TLCD4: variants seen among roughly 807,000 people sequenced by gnomAD.
TLCD4 encodes TLC domain containing 4.
In TLCD4, 7 loss-of-function variants were observed where a neutral mutation model predicts 24.2. The observed-to-expected ratio is 0.29, with a 90% confidence interval of 0.16 to 0.54. The LOEUF (loss-of-function observed/expected upper bound fraction) is 0.54, where lower values mean the gene tolerates loss of function less well. Ranked by LOEUF, TLCD4 falls within the 20% of genes least tolerant of loss-of-function variation. The pLI is 0.95. For missense variants in TLCD4, 259 were observed against 313.9 expected (o/e 0.82, Z 1.32); for synonymous variants, 103 against 106.4 (o/e 0.97, Z 0.20).
the TLCD4 span, among the ~76,000 whole-genome samples, chr1:95,108,394 G>A: frequency 6.6e-6 from 1 of 151,848 alleles, no homozygotes; most frequent in Non-Finnish European, 1.5e-5. Flanking sequence ...TTTTGTTTTT[G>A]TTTCTGTTTT....
At chr1:95,191,417 T>C in intron 6 of TLCD4, 133 bp from the exon 7 acceptor site, 1 of 1,154,792 alleles carries the variant, frequency 8.7e-7, no homozygotes, top group South Asian at 1.8e-5. Flanking sequence ...TTTGTTCTTT[T>C]TCAGCATTGC....
the TLCD4 span, among the ~76,000 whole-genome samples, chr1:95,099,339 A>G: frequency 2.6e-5 from 4 of 152,202 alleles, no homozygotes; most frequent in Non-Finnish European, 5.9e-5. Context: ...AATAGTTATT[A>G]CCACATTGTG....
intron 1 of TLCD4, among the ~76,000 whole-genome samples, chr1:95,125,294 C>T (rs970782004): frequency 1.3e-5 from 2 of 152,170 alleles, no homozygotes; most frequent in African/African-American, 4.8e-5. Context: ...ATTCGTTTTG[C>T]ACATCACCTT....
chr1:95,129,139 T>A (rs1384569473), intron 1 of TLCD4, among the ~76,000 whole-genome samples: 1 of 152,206 alleles, frequency 6.6e-6, no homozygotes, highest in African/African-American at 2.4e-5. Flanking sequence ...TGTGAAAAGT[T>A]AAGCTTAAAT....
chr1:95,121,309 G>A (rs537518758), intron 1 of TLCD4: 12 of 152,204 alleles, frequency 7.9e-5, no homozygotes, highest in Admixed American at 1.3e-4. Context: ...ATAGGGAGCA[G>A]AGGGGCTAGT....
At chr1:95,112,571 G>T (rs143988330), upstream of TLCD4, among the ~76,000 whole-genome samples, 255 of 152,226 alleles carry the variant, frequency 1.7e-3, no homozygotes, top group African/African-American at 5.9e-3. Flanking sequence ...AACTAGAAAG[G>T]CATTAGACAT....
At chr1:95,184,573 G>T (rs954594127) in intron 6 of TLCD4, among the ~76,000 whole-genome samples, 1 of 152,108 alleles carries the variant, frequency 6.6e-6, no homozygotes, top group Non-Finnish European at 1.5e-5. Flanking sequence ...ACCAAAGTTA[G>T]GATTTTCTCT....
intron 6 of TLCD4, among the ~76,000 whole-genome samples, chr1:95,185,610 C>T (rs1041011678): frequency 3.3e-5 from 5 of 152,152 alleles, no homozygotes; most frequent in East Asian, 3.8e-4. Flanking sequence ...AACGTGAAGA[C>T]GACGAGAATG....
At chr1:95,173,974 TACTATATAAAAG>T in intron 6 of TLCD4, 85 bp downstream of exon 6, 1 of 1,562,090 alleles carries the variant, frequency 6.4e-7, no homozygotes, top group Non-Finnish European at 8.8e-7. Flanking sequence ...ATCCTCAAGT[TACTATATAAAAG>T]ATACGGATCT....
intron 5 of TLCD4, among the ~76,000 whole-genome samples, chr1:95,161,646 T>A (rs192320526): frequency 2.0e-3 from 308 of 152,346 alleles, no homozygotes; most frequent in Middle Eastern, 3.4e-3. Flanking sequence ...TTTAGTGCAA[T>A]AAATTTCCCT....
intron 3 of TLCD4, among the ~76,000 whole-genome samples, chr1:95,149,792 T>C (rs1677441946): frequency 6.6e-6 from 1 of 152,210 alleles, no homozygotes; most frequent in Non-Finnish European, 1.5e-5. Flanking sequence ...TATCGAACTT[T>C]AACATAATTT....
chr1:95,191,575 C>A lies in TLCD4; in HGVS notation c.499C>A (p.Pro167Thr). The A allele has an allele frequency of 6.2e-7, 1 of 1,612,834 alleles. No individual in the cohort carries two copies. Among genetic ancestry groups the A allele is most frequent in the Non-Finnish European group, 8.5e-7 (1 of 1,179,458 alleles). Residue 167 changes from proline to threonine, a missense_variant, in exon 7 of 7, where the codon CCC becomes ACC. Physicochemically the swap from Pro to Thr is conservative, Grantham distance 38. Transcript: ENST00000370203. ...GTGGTTCTTTGAAGCTCTGAAGTAT[C>A]CCAAGTTTTCTAAAGCTATCGTTAT... ...QRWFFEALKYPKFSKAIVING... is the reference protein window; with the variant it reads ...QRWFFEALKYTKFSKAIVING...
In TLCD4 at chr1:95,143,114, G is replaced by A. The variant is rs562573283; in HGVS notation, c.-11-777G>A. ...CCTATGTAAACGTCTGATTGGTTGC[G>A]GAAAGCAACCAATCAGAGGTACTTT... On this transcript the variant is annotated intron_variant, in intron 1 of 6. Transcript: ENST00000370203. Among the ~76,000 whole-genome samples, 16 of 152,140 alleles carry A rather than the reference G, an allele frequency of 1.1e-4. No individual in the cohort carries two copies. In the South Asian group the frequency reaches 1.7e-3, roughly 16 times the overall value.
upstream of TLCD4, among the ~76,000 whole-genome samples, chr1:95,114,829 GAA>G (rs947326677): frequency 2.2e-5 from 3 of 137,758 alleles, no homozygotes; most frequent in Non-Finnish European, 3.2e-5. Context: ...CTGTCTCAAA[GAA>G]AAAAAAAAAA....
chr1:95,161,728 C>A (rs1290276689), intron 5 of TLCD4, among the ~76,000 whole-genome samples: 1 of 152,160 alleles, frequency 6.6e-6, no homozygotes, highest in Non-Finnish European at 1.5e-5. Flanking sequence ...TTTCAAAGAA[C>A]ATCTTTATTT....
At chr1:95,153,733 A>G (rs1257539193) in intron 5 of TLCD4, among the ~76,000 whole-genome samples, 2 of 152,112 alleles carry the variant, frequency 1.3e-5, no homozygotes, top group Admixed American at 1.3e-4. Context: ...TAGAGAGGAG[A>G]TATTAGATTA....
At chr1:95,099,053 C>CAAAAAAAAAAAAA in the TLCD4 span, among the ~76,000 whole-genome samples, 75 of 70,622 alleles carry the variant, frequency 1.1e-3, 3 homozygotes, top group Non-Finnish European at 1.4e-3. Flanking sequence ...AACTCTGTCT[C>CAAAAAAAAAAAAA]AAAAAAAAAA....
chr1:95,147,505 A>G (rs193221057), intron 2 of TLCD4, among the ~76,000 whole-genome samples: 129 of 152,366 alleles, frequency 8.5e-4, no homozygotes, highest in Non-Finnish European at 1.4e-3. Flanking sequence ...ATACTTGGTC[A>G]ATGCCTTTAA....
chr1:95,119,534 C>T (rs1221426541), intron 1 of TLCD4, among the ~76,000 whole-genome samples: 1 of 152,118 alleles, frequency 6.6e-6, no homozygotes, highest in Non-Finnish European at 1.5e-5. Flanking sequence ...GGGAAAGGGG[C>T]TGGGTTTCAA....
Sources: gnomAD v4.1 joint callset for allele counts (sites outside exome capture counted in the v4.1 genomes callset) on GRCh38, gnomAD v4.1.1 for gene constraint, MANE v1.5 for transcripts, NCBI Gene and HGNC (gene_info 2026-07-23, HGNC 2026-07-21) for gene names.